FNDC3A: variants seen among roughly 807,000 people sequenced by gnomAD.
FNDC3A encodes the protein fibronectin type III domain containing 3A.
Under a neutral mutation model 148.9 loss-of-function variants are expected in FNDC3A, and 32 were observed. The ratio of observed to expected loss-of-function variants is 0.21; its 90% confidence interval spans 0.16 to 0.29. The LOEUF (loss-of-function observed/expected upper bound fraction) is 0.29, where lower values mean the gene tolerates loss of function less well. Ranked by LOEUF, FNDC3A falls within the 10% of genes least tolerant of loss-of-function variation. FNDC3A has a pLI of 1.00. For synonymous variants in FNDC3A, 472 were observed against 473.6 expected (o/e 1.00, Z 0.04); for missense variants, 1,191 against 1,452.8 (o/e 0.82, Z 2.93).
intron 2 of FNDC3A, among the ~76,000 whole-genome samples, chr13:49,072,621 T>C (rs1314188981): frequency 6.6e-6 from 1 of 152,178 alleles, no homozygotes; most frequent in African/African-American, 2.4e-5. Context: ...ATTGTTCATG[T>C]GTAGAAACAC....
At chr13:49,185,878 CTGTT>C (rs1593723083) in intron 14 of FNDC3A, 82 bp from the exon 15 acceptor site, 1 of 1,019,880 alleles carries the variant, frequency 9.8e-7, no homozygotes, top group Non-Finnish European at 1.5e-6. Flanking sequence ...TTGGTTGAAG[CTGTT>C]TGTCTCCTAT....
chr13:49,041,104 T>C (rs1874890499), intron 2 of FNDC3A, among the ~76,000 whole-genome samples: 1 of 152,222 alleles, frequency 6.6e-6, no homozygotes, highest in East Asian at 1.9e-4. Flanking sequence ...GCCAAAAGTT[T>C]GATTATTTGC....
intron 2 of FNDC3A, among the ~76,000 whole-genome samples, chr13:49,020,666 T>C (rs950988666): frequency 5.3e-5 from 8 of 152,180 alleles, no homozygotes; most frequent in African/African-American, 1.9e-4. Context: ...GCCATCAGTG[T>C]TGGGGGGTTA....
rs535477521 is a variant in FNDC3A, at chr13:49,057,391, C to T, written c.100-17898C>T. Among the ~76,000 whole-genome samples, 8 of 152,322 alleles carry T rather than the reference C, an allele frequency of 5.3e-5. No individual in the cohort carries two copies. The East Asian group carries it at 5.8e-4, about 11-fold the overall frequency. On this transcript the variant is annotated intron_variant, in intron 2 of 25. Transcript: ENST00000492622. The stretch of plus-strand genomic sequence containing the variant: ...ACTGGCTTTATCTCCTATTTCTTAA[C>T]GGGTTTTGAAACTCAGCCATTTAGT...
At chr13:49,195,109 T>G (rs1156615496) in intron 19 of FNDC3A, among the ~76,000 whole-genome samples, 1 of 152,190 alleles carries the variant, frequency 6.6e-6, no homozygotes, top group Non-Finnish European at 1.5e-5. Context: ...GTTGTTATAA[T>G]TGATTAGTAT....
chr13:49,204,232 T>G (rs150524491), intron 25 of FNDC3A, among the ~76,000 whole-genome samples: 213 of 152,296 alleles, frequency 1.4e-3, no homozygotes, highest in African/African-American at 5.0e-3. Flanking sequence ...TAGAGTGGAG[T>G]GTTGCCAATG....
At chr13:48,978,921 T>G (rs915365149) in intron 1 of FNDC3A, among the ~76,000 whole-genome samples, 3 of 152,172 alleles carry the variant, frequency 2.0e-5, no homozygotes, top group Admixed American at 2.0e-4. Context: ...CTTTTATAAT[T>G]TTCTTAATAT....
intron 2 of FNDC3A, among the ~76,000 whole-genome samples, chr13:49,072,287 T>C (rs1055154054): frequency 4.6e-5 from 7 of 152,134 alleles, no homozygotes; most frequent in Admixed American, 4.6e-4. Flanking sequence ...CTTTCCCCAC[T>C]ATATGTTCTT....
In FNDC3A at chr13:49,198,224, A is replaced by G. The variant is rs755469719; in HGVS notation, c.2733A>G (p.Thr911=). ...AATCCCTAACAGTGGGAAAGGTTAC[A>G]AGCTATATTATCAACAATTTGCAAC... is the stretch of plus-strand genomic sequence containing the variant. ...DKQSLTVGKV[T]SYIINNLQPD... is the part of the protein sequence containing the mutation. The change falls in exon 22 of 26, where the codon ACA becomes ACG. Residue 911 remains threonine, a synonymous_variant. Coordinates refer to ENST00000492622, the MANE Select transcript of FNDC3A (RefSeq NM_001079673.2). The G allele has an allele frequency of 4.3e-6, 7 of 1,614,034 alleles. No individual in the cohort carries two copies. In the African/African-American group the frequency reaches 8.0e-5, roughly 18 times the overall value.
intron 4 of FNDC3A, among the ~76,000 whole-genome samples, chr13:49,118,737 A>G (rs1881131602): frequency 6.6e-6 from 1 of 152,214 alleles, no homozygotes; most frequent in African/African-American, 2.4e-5. Flanking sequence ...CAAAGCCACC[A>G]GGAAGCTGGA....
chr13:49,019,380 C>T (rs1439017086), intron 2 of FNDC3A, among the ~76,000 whole-genome samples: 3 of 152,242 alleles, frequency 2.0e-5, no homozygotes, highest in African/African-American at 4.8e-5. Context: ...TGCCGTCTGT[C>T]ACCCCTTTCT....
At chr13:49,199,406 C>T (rs550216003) in intron 23 of FNDC3A, among the ~76,000 whole-genome samples, 1 of 150,892 alleles carries the variant, frequency 6.6e-6, no homozygotes, top group East Asian at 2.0e-4. Flanking sequence ...CGGCTCACTG[C>T]AATCTCCGCC....
At chr13:49,168,421 TG>T (rs1267115980) in intron 9 of FNDC3A, among the ~76,000 whole-genome samples, 191 bp from the exon 10 acceptor site, 2 of 151,960 alleles carry the variant, frequency 1.3e-5, no homozygotes, top group African/African-American at 4.8e-5. Context: ...ATTATTTCTT[TG>T]GGTTGCAGCA....
intron 2 of FNDC3A, among the ~76,000 whole-genome samples, chr13:49,018,516 A>G (rs1382088152): frequency 6.6e-6 from 1 of 152,256 alleles, no homozygotes. Flanking sequence ...AACTTTTTTC[A>G]AAGTTTTCAA....
chr13:49,168,794 CTTT>C (rs778415415), intron 10 of FNDC3A, 43 bp downstream of exon 10: 1 of 1,569,680 alleles, frequency 6.4e-7, no homozygotes, highest in Admixed American at 1.7e-5. Flanking sequence ...ACATGTGTTT[CTTT>C]GTTTCCCCTG....
intron 5 of FNDC3A, among the ~76,000 whole-genome samples, chr13:49,134,801 CTTTTTTTTTTTTTTT>C (rs528015993): frequency 1.6e-4 from 1 of 6,178 alleles, no homozygotes; most frequent in Non-Finnish European, 2.6e-4. Context: ...TTTTCTTTTC[CTTTTTTTTTTTTTTT>C]TTTTTTTTGA....
At chr13:49,088,669 T>C (rs1030907289) in intron 3 of FNDC3A, among the ~76,000 whole-genome samples, 2 of 152,142 alleles carry the variant, frequency 1.3e-5, no homozygotes, top group African/African-American at 4.8e-5. Context: ...CTTCTACAGT[T>C]TATGCATTCT....
intron 1 of FNDC3A, among the ~76,000 whole-genome samples, chr13:48,986,700 AG>A (rs1217927702): frequency 6.6e-6 from 1 of 151,896 alleles, no homozygotes; most frequent in African/African-American, 2.4e-5. Context: ...CTGGCCCGGA[AG>A]GTTTTTTTAA....
chr13:49,127,722 C>T (rs1881785552), intron 4 of FNDC3A, among the ~76,000 whole-genome samples: 1 of 152,158 alleles, frequency 6.6e-6, no homozygotes, highest in Non-Finnish European at 1.5e-5. Flanking sequence ...ACTCTTCAAA[C>T]TCACAAGTGC....
Sources: gnomAD v4.1 joint callset for allele counts (sites outside exome capture counted in the v4.1 genomes callset) on GRCh38, gnomAD v4.1.1 for gene constraint, MANE v1.5 for transcripts, NCBI Gene and HGNC (gene_info 2026-07-23, HGNC 2026-07-21) for gene names.